LRRN1: variants seen among roughly 807,000 people sequenced by gnomAD.
The protein encoded by LRRN1 is leucine-rich repeat neuronal protein 1.
A neutral mutation model predicts 45.8 loss-of-function variants in LRRN1; 14 were observed. The ratio of observed to expected loss-of-function variants is 0.31; its 90% CI spans 0.20 to 0.48. The LOEUF (loss-of-function observed/expected upper bound fraction) is 0.48. LRRN1 is among the 20% of genes least tolerant of loss of function. The pLI is 0.99. For synonymous variants in LRRN1, 359 were observed against 330.1 expected (o/e 1.09, Z -0.95); for missense variants, 789 against 874.2 (o/e 0.90, Z 1.23).
intron 1 of LRRN1, among the ~76,000 whole-genome samples, chr3:3,829,042 G>A (rs1372162878): frequency 2.7e-5 from 4 of 148,994 alleles, no homozygotes; most frequent in Non-Finnish European, 5.9e-5. Context: ...TTCCTGAAAG[G>A]TCTGGGCCAT....
intron 1 of LRRN1, among the ~76,000 whole-genome samples, chr3:3,808,229 C>T (rs1404942127): frequency 6.6e-6 from 1 of 152,102 alleles, no homozygotes; most frequent in Admixed American, 6.6e-5. Flanking sequence ...TTTTTCCTAA[C>T]GTAGCATACA....
At position 3,846,832 on chromosome 3, in the gene LRRN1, G is replaced by T; in HGVS notation, c.*40G>T. ...TGCTTCTGGTAGTAAGGAGCACAAA[G>T]ACGTTTTTGCTTTATTCTGCAAAAG... On this transcript the variant is annotated 3_prime_UTR_variant, in exon 2 of 2. Transcript: ENST00000319331. The surrounding 1 kb of genome is among the most constrained non-coding windows in gnomAD (Gnocchi z 5.7). 6.7e-7 allele frequency: 1 copy of T among 1,501,382 alleles called. No homozygotes were observed. Among genetic ancestry groups the T allele is most frequent in the South Asian group, 1.3e-5 (1 of 78,492 alleles). The allele number at this position is 1,501,382 out of a possible 1,614,324, so 93.0% of individuals were successfully genotyped here.
At chr3:3,800,556 C>T (rs1157566213) in intron 1 of LRRN1, 1 of 151,784 alleles carries the variant, frequency 6.6e-6, no homozygotes, top group Non-Finnish European at 1.5e-5. Context: ...GACCTCAGCC[C>T]GTGAGCCTTG....
At chr3:3,800,465 A>G (rs950834342) in intron 1 of LRRN1, among the ~76,000 whole-genome samples, 4 of 152,158 alleles carry the variant, frequency 2.6e-5, no homozygotes, top group East Asian at 1.9e-4. Flanking sequence ...GGCAAGGGGT[A>G]TAATTGACAA....
At chr3:3,823,901 A>C (rs1335633748) in intron 1 of LRRN1, among the ~76,000 whole-genome samples, 2 of 152,152 alleles carry the variant, frequency 1.3e-5, no homozygotes, top group Non-Finnish European at 2.9e-5. Context: ...TCAAATACTC[A>C]ATACCTGGAG....
rs934233837 is a variant in LRRN1 at position 3,834,397 on chromosome 3, C to G, written c.-278-9967C>G. 2.7e-5 allele frequency among the ~76,000 whole-genome samples: 4 copies of G among 150,266 alleles called. No homozygotes were observed. The East Asian group carries it at 7.9e-4, about 30-fold the overall frequency. On this transcript the variant is annotated intron_variant, in intron 1 of 1. Coordinates refer to ENST00000319331, the MANE Select transcript of LRRN1 (RefSeq NM_020873.7). ...AGTCCTTAGCATTTTTGGGTCTAAT[C>G]ATATTAAGCAGCCAACTCCAGAAAC...
At chr3:3,800,360 T>A (rs1408619362) in intron 1 of LRRN1, among the ~76,000 whole-genome samples, 1 of 148,628 alleles carries the variant, frequency 6.7e-6, no homozygotes, top group Non-Finnish European at 1.5e-5. Flanking sequence ...CCCAGGGAGC[T>A]GGAAAGAGGG....
Position 3,846,439 on chromosome 3 carries a change from A to G in LRRN1, c.1798A>G (p.Asn600Asp), listed in dbSNP as rs776667755. The G allele has an allele frequency of 1.2e-6, 2 of 1,614,150 alleles. No individual in the cohort carries two copies. The highest frequency in any genetic ancestry group is 1.1e-5 in the South Asian group (1 of 91,086). ...TTATGAAGTGTGTCTCACAGTGTCCAATATTCATCAGCAGACTCAAAAGTC... is the reference window on the plus strand; with the variant it reads ...TTATGAAGTGTGTCTCACAGTGTCCGATATTCATCAGCAGACTCAAAAGTC... ...TDYEVCLTVSNIHQQTQKSCV... is the reference protein window; with the variant it reads ...TDYEVCLTVSDIHQQTQKSCV... The change falls in exon 2 of 2, where the codon AAT (asparagine) becomes GAT (aspartate). Residue 600 changes from asparagine to aspartate, a missense_variant. Coordinates refer to ENST00000319331, the MANE Select transcript of LRRN1 (RefSeq NM_020873.7). This position sits in a 1 kb window ranked among gnomAD's most constrained non-coding sequence, Gnocchi z 5.7.
In LRRN1 at chr3:3,844,719, C is replaced by T; in HGVS notation, c.78C>T (p.Ser26=). The T allele has an allele frequency of 6.2e-7, 1 of 1,614,118 alleles. No homozygotes were observed. Among genetic ancestry groups the T allele is most frequent in the Non-Finnish European group, 8.5e-7 (1 of 1,180,006 alleles). ...TAATGACTTCATTAACCGAGTCTTC[C>T]ATACAGAATAGTGAGTGTCCACAAC... ...GLLMTSLTES[S]IQNSECPQLC... The change falls in exon 2 of 2, where the codon TCC becomes TCT. Residue 26 remains serine (S), a synonymous_variant. Transcript: ENST00000319331.
At position 3,844,462 on chromosome 3, in the gene LRRN1, T is replaced by A; in HGVS notation, c.-180T>A. 1 of 569,974 alleles carries A rather than the reference T, an allele frequency of 1.8e-6. No homozygotes were observed. The highest frequency in any genetic ancestry group is 1.9e-5 in the African/African-American group (1 of 53,418). 35.3% of individuals were successfully genotyped at this position (569,974 alleles called of 1,614,324 possible). A position where few individuals can be genotyped will look rare whatever the true frequency, so the allele number is the denominator to read the frequency against. On this transcript the variant is annotated 5_prime_UTR_variant, in exon 2 of 2. Coordinates refer to ENST00000319331, the MANE Select transcript of LRRN1 (RefSeq NM_020873.7). ...CACAGTTAAAAGACTCCAAGTTGCTTTCTGCCTTTTGAAAACTCCTGAAAA... is the reference window on the plus strand; with the variant it reads ...CACAGTTAAAAGACTCCAAGTTGCTATCTGCCTTTTGAAAACTCCTGAAAA...
chr3:3,822,015 A>T (rs1693115226), intron 1 of LRRN1, among the ~76,000 whole-genome samples: 2 of 152,180 alleles, frequency 1.3e-5, no homozygotes, highest in African/African-American at 4.8e-5. Context: ...GCCCAGACGG[A>T]TTGGGATAGA....
At chr3:3,835,584 ATTTTTTTT>A (rs59300921) in intron 1 of LRRN1, among the ~76,000 whole-genome samples, 40 of 135,260 alleles carry the variant, frequency 3.0e-4, no homozygotes, top group Non-Finnish European at 5.2e-4. Context: ...GAGCTGCCTG[ATTTTTTTT>A]TTTTTTTTTT....
intron 1 of LRRN1, among the ~76,000 whole-genome samples, chr3:3,814,890 T>G (rs1692959175): frequency 6.6e-6 from 1 of 152,196 alleles, no homozygotes; most frequent in Admixed American, 6.5e-5. Flanking sequence ...ATTTATATTC[T>G]TTATAAATTA....
chr3:3,826,698 A>G (rs1345000756), intron 1 of LRRN1, among the ~76,000 whole-genome samples: 3 of 152,136 alleles, frequency 2.0e-5, no homozygotes, highest in African/African-American at 7.2e-5. Context: ...GCTTTGGATA[A>G]TGTGTGAACC....
At chr3:3,801,402 A>G (rs964608777) in intron 1 of LRRN1, among the ~76,000 whole-genome samples, 10 of 152,248 alleles carry the variant, frequency 6.6e-5, no homozygotes, top group African/African-American at 2.4e-4. Context: ...AAATCATGTT[A>G]GTGGAATAGG....
chr3:3,826,011 G>A (rs1480322242), intron 1 of LRRN1, among the ~76,000 whole-genome samples: 6 of 152,160 alleles, frequency 3.9e-5, no homozygotes, highest in Non-Finnish European at 7.4e-5. Context: ...GGTAGGTTCT[G>A]TTTGGCCTGC....
Position 3,845,915 on chromosome 3 carries a change from T to A in LRRN1, c.1274T>A (p.Met425Lys). ...GATTCGAGTGAACAGTGCCTCCCAATGATATCTCACGACAGCTTCCCAAAT... is the reference window on the plus strand; with the variant it reads ...GATTCGAGTGAACAGTGCCTCCCAAAGATATCTCACGACAGCTTCCCAAAT... ...IQDSSEQCLP[M>K]ISHDSFPNRL... Residue 425 changes from methionine (M) to lysine (K), a missense_variant, in exon 2 of 2, where the codon ATG (methionine) becomes AAG (lysine). Met to Lys is a moderately conservative substitution (Grantham distance 95, BLOSUM62 -1). Coordinates refer to ENST00000319331, the MANE Select transcript of LRRN1 (RefSeq NM_020873.7). This position sits in a 1 kb window ranked among gnomAD's most constrained non-coding sequence, Gnocchi z 6.5. 4 of 1,614,140 alleles carry A rather than the reference T, an allele frequency of 2.5e-6. No homozygotes were observed. Among genetic ancestry groups the A allele is most frequent in the Non-Finnish European group, 2.5e-6 (3 of 1,179,998 alleles).
rs773932678 is a variant in LRRN1, at chr3:3,846,803, A to G, written c.*11A>G. ...TATTACATGTGGTAACTCAGAGGAT[A>G]TTTTGCTTCTGGTAGTAAGGAGCAC... On this transcript the variant is annotated 3_prime_UTR_variant, in exon 2 of 2. Transcript: ENST00000319331. The surrounding 1 kb of genome is among the most constrained non-coding windows in gnomAD (Gnocchi z 5.7). 5.1e-6 allele frequency: 8 copies of G among 1,576,392 alleles called. No individual in the cohort carries two copies. Among genetic ancestry groups the G allele is most frequent in the South Asian group, 1.2e-5 (1 of 85,166 alleles).
At chr3:3,820,655 C>A (rs1271980234) in intron 1 of LRRN1, among the ~76,000 whole-genome samples, 1 of 152,220 alleles carries the variant, frequency 6.6e-6, no homozygotes, top group African/African-American at 2.4e-5. Context: ...AGTCCATACA[C>A]CTGTTTCAGA....
Sources: gnomAD v4.1 joint callset for allele counts (sites outside exome capture counted in the v4.1 genomes callset) on GRCh38, gnomAD v4.1.1 for gene constraint, Gnocchi (gnomAD v3.1) non-coding constraint, MANE v1.5 for transcripts, NCBI Gene and HGNC (gene_info 2026-07-23, HGNC 2026-07-21) for gene names.